Variants in CD226 observed in about 807,000 individuals in gnomAD.
CD226 encodes CD226 molecule, also known as CD226 antigen.
CD226 carries 24 observed loss-of-function variants against 34.9 expected under a neutral mutation model. The observed-to-expected ratio is 0.69, with a 90% CI of 0.50 to 0.97. CD226 has a LOEUF of 0.97. CD226 is among the 50% of genes least tolerant of loss of function. The pLI is 0.00. For missense variants in CD226, 397 were observed against 412.7 expected (o/e 0.96, Z 0.33); for synonymous variants, 148 against 147.4 (o/e 1.00, Z -0.03).
At chr18:69,872,085 TGTGTGG>T (rs772825083) in intron 4 of CD226, among the ~76,000 whole-genome samples, 9 of 149,334 alleles carry the variant, frequency 6.0e-5, no homozygotes, top group Non-Finnish European at 7.5e-5. Context: ...TGTGTGTGTG[TGTGTGG>T]TGCATTTGGT....
rs114166033 is a variant in CD226 at position 69,931,979 on chromosome 18, T to G, written c.382+14755A>C. Among the ~76,000 whole-genome samples, 511 of 152,344 alleles carry G rather than the reference T, an allele frequency of 3.4e-3. 3 individuals are homozygous for G. Among genetic ancestry groups the G allele is most frequent in the African/African-American group, 0.012 (481 of 41,590 alleles). ...AGCAGGGTTGATTCCTTTTGAGGCC[T>G]CTCTCCTTGGTTTCCAGATGACCCT... On this transcript the variant is annotated intron_variant, in intron 2 of 5. Transcript: ENST00000582621.
chr18:69,934,509 C>G (rs140598934), intron 2 of CD226, among the ~76,000 whole-genome samples: 416 of 152,288 alleles, frequency 2.7e-3, no homozygotes, highest in Non-Finnish European at 4.8e-3. Context: ...AGATTTTATT[C>G]TGTTTGGCCA....
At position 69,864,432 on chromosome 18, in the gene CD226, T is replaced by C. The variant is rs758955798; in HGVS notation, c.893A>G (p.Asn298Ser). 2.0e-5 allele frequency: 33 copies of C among 1,612,948 alleles called. No individual in the cohort carries two copies. The East Asian group carries it at 5.4e-4, about 26-fold the overall frequency. The part of the protein sequence containing the change: ...TESWDTQKAP[N>S]NYRSPISTSQ... ...GGTAGAGATGGGACTTCTATAGTTA[T>C]TGGGTGCCTAGAAAGACAAACAGCA... Residue 298 changes from asparagine (N) to serine (S), a missense_variant, in exon 6 of 6, where the codon AAT becomes AGT. Asn to Ser is a conservative substitution (Grantham distance 46). Transcript: ENST00000582621.
intron 4 of CD226, among the ~76,000 whole-genome samples, chr18:69,870,426 C>G (rs2145185211): frequency 6.6e-6 from 1 of 151,880 alleles, no homozygotes; most frequent in African/African-American, 2.4e-5. Flanking sequence ...AGGCACCCAC[C>G]ACCACGCCCA....
chr18:69,934,689 T>C (rs980182268), intron 2 of CD226, among the ~76,000 whole-genome samples: 2 of 152,142 alleles, frequency 1.3e-5, no homozygotes, highest in Admixed American at 6.5e-5. Context: ...AAAGTGTAAG[T>C]TGGTTAAATA....
At chr18:69,908,965 T>A (rs765715952) in intron 2 of CD226, among the ~76,000 whole-genome samples, 3 of 152,250 alleles carry the variant, frequency 2.0e-5, no homozygotes, top group Non-Finnish European at 2.9e-5. Context: ...CCTTATCCTG[T>A]GATGCCACTT....
chr18:69,856,299 C>T lies in CD226; in HGVS notation c.*8015G>A, dbSNP rs2145155981. 1 of 152,174 alleles carries T rather than the reference C, an allele frequency of 6.6e-6. No individual in the cohort carries two copies. The highest frequency in any genetic ancestry group is 2.1e-4 in the South Asian group (1 of 4,818). 9.4% of individuals were successfully genotyped at this position (152,174 alleles called of 1,614,324 possible). Reference sequence around the variant, plus strand: ...AACAAGAGTATCAAGATACATGAGACAAAAACTAACAAAACTGCAAGGAGA... The same window carrying T: ...AACAAGAGTATCAAGATACATGAGATAAAAACTAACAAAACTGCAAGGAGA... On this transcript the variant is annotated 3_prime_UTR_variant, in exon 6 of 6. Transcript: ENST00000582621.
chr18:69,895,730 G>C lies in CD226; in HGVS notation c.698C>G (p.Thr233Ser). 6.2e-7 allele frequency: 1 copy of C among 1,613,886 alleles called. No individual in the cohort carries two copies. The highest frequency in any genetic ancestry group is 8.5e-7 in the Non-Finnish European group (1 of 1,179,782). Residue 233 changes from threonine to serine, a missense_variant, in exon 3 of 6, where the codon ACC (threonine) becomes AGC (serine). By Grantham distance (58) the Thr-to-Ser change is moderately conservative (BLOSUM62 1). Transcript: ENST00000582621. ...GGCTACAGTCAATCTCATCACGAAGGTTTCGTTTTCTCCTGCGCTGGCCTG... is the reference window on the plus strand; with the variant it reads ...GGCTACAGTCAATCTCATCACGAAGCTTTCGTTTTCTCCTGCGCTGGCCTG... The part of the protein sequence containing the change: ...YLQASAGENE[T>S]FVMRLTVAEG...
Position 69,942,859 on chromosome 18 carries a change from T to G in CD226, c.382+3875A>C, listed in dbSNP as rs1487253970. Among the ~76,000 whole-genome samples, 2 of 152,292 alleles carry G rather than the reference T, an allele frequency of 1.3e-5. 1 individual carries two copies. Reference sequence around the variant, plus strand: ...CTCCACTGTGCCCTTCTTTAAGCCATCAGTACCCCCAGGACACCCTTCCCT... The same window carrying G: ...CTCCACTGTGCCCTTCTTTAAGCCAGCAGTACCCCCAGGACACCCTTCCCT... On this transcript the variant is annotated intron_variant, in intron 2 of 5. Transcript: ENST00000582621.
intron 3 of CD226, among the ~76,000 whole-genome samples, chr18:69,876,550 G>C (rs114867089): frequency 1.6e-4 from 24 of 152,274 alleles, no homozygotes; most frequent in African/African-American, 5.8e-4. Flanking sequence ...TGGTACTACA[G>C]ACAAAGTGGT....
chr18:69,901,536 T>G (rs1042255272), intron 2 of CD226, among the ~76,000 whole-genome samples: 1 of 152,170 alleles, frequency 6.6e-6, no homozygotes, highest in African/African-American at 2.4e-5. Context: ...GATTATGCTA[T>G]TCTTTCTATT....
At chr18:69,916,058 T>C (rs968268554) in intron 2 of CD226, among the ~76,000 whole-genome samples, 3 of 151,634 alleles carry the variant, frequency 2.0e-5, no homozygotes, top group African/African-American at 7.3e-5. Flanking sequence ...TGCCTGTCAA[T>C]AGATTCAATT....
intron 5 of CD226, 148 bp from the exon 6 acceptor site, chr18:69,864,587 G>T: frequency 1.3e-6 from 1 of 765,984 alleles, no homozygotes; most frequent in Non-Finnish European, 2.1e-6. Flanking sequence ...TCATTGTATT[G>T]AACTTCTGTT....
intron 1 of CD226, among the ~76,000 whole-genome samples, chr18:69,954,384 T>C (rs747179630): frequency 2.0e-5 from 3 of 152,248 alleles, no homozygotes; most frequent in Non-Finnish European, 2.9e-5. Flanking sequence ...AAAATCATTA[T>C]GTGCTTATTA....
At chr18:69,890,592 G>GA (rs1176447798) in intron 3 of CD226, among the ~76,000 whole-genome samples, 1 of 152,100 alleles carries the variant, frequency 6.6e-6, no homozygotes, top group Admixed American at 6.5e-5. Flanking sequence ...GTCTGATGTG[G>GA]AAAAAAACAT....
intron 2 of CD226, among the ~76,000 whole-genome samples, chr18:69,943,218 G>A (rs920342662): frequency 1.3e-5 from 2 of 152,194 alleles, no homozygotes; most frequent in African/African-American, 4.8e-5. Flanking sequence ...AACACTAGGT[G>A]GCAGAGCATT....
At chr18:69,905,574 T>C (rs572501262) in intron 2 of CD226, among the ~76,000 whole-genome samples, 2 of 152,324 alleles carry the variant, frequency 1.3e-5, no homozygotes, top group South Asian at 2.1e-4. Context: ...GGGAGACTCA[T>C]GCAGAAAGAT....
intron 3 of CD226, among the ~76,000 whole-genome samples, chr18:69,878,793 A>G (rs945553795): frequency 9.9e-5 from 15 of 152,178 alleles, no homozygotes; most frequent in African/African-American, 3.1e-4. Context: ...TCTTCTCCCA[A>G]GACTTTCAGG....
chr18:69,902,626 G>A (rs146311201), intron 2 of CD226, among the ~76,000 whole-genome samples: 105 of 151,396 alleles, frequency 6.9e-4, no homozygotes, highest in African/African-American at 2.5e-3. Context: ...ACTCACCATC[G>A]CTGAGTGAGC....
Sources: gnomAD v4.1 joint callset for allele counts (sites outside exome capture counted in the v4.1 genomes callset) on GRCh38, gnomAD v4.1.1 for gene constraint, MANE v1.5 for transcripts, NCBI Gene and HGNC (gene_info 2026-07-23, HGNC 2026-07-21) for gene names.